Variants in PLEKHM3 observed in about 807,000 individuals in gnomAD.
PLEKHM3 encodes pleckstrin homology domain containing M3.
PLEKHM3 carries 45 observed loss-of-function variants against 81.8 expected under a neutral mutation model. The observed-to-expected ratio is 0.55, with a 90% confidence interval of 0.43 to 0.71. The LOEUF is 0.71. Ranked by LOEUF, PLEKHM3 falls within the 30% of genes least tolerant of loss-of-function variation. PLEKHM3 has a pLI of 0.00. For synonymous variants in PLEKHM3, 352 were observed against 356.4 expected, an observed-to-expected ratio of 0.99 and a Z score of 0.14; for missense variants, 788 against 924.3, an observed-to-expected ratio of 0.85 and a Z score of 1.91.
At chr2:207,930,369 T>G (rs1018699050) in intron 5 of PLEKHM3, among the ~76,000 whole-genome samples, 1 of 152,108 alleles carries the variant, frequency 6.6e-6, no homozygotes. Flanking sequence ...ATCGCTTGAG[T>G]CCAGGATTTT....
intron 1 of PLEKHM3, among the ~76,000 whole-genome samples, chr2:208,010,530 C>G (rs1009314406): frequency 2.0e-5 from 3 of 152,170 alleles, no homozygotes; most frequent in African/African-American, 7.2e-5. Flanking sequence ...CTTGAATTAG[C>G]TTTATCTTGG....
chr2:207,994,136 A>G (rs143361497), intron 2 of PLEKHM3, among the ~76,000 whole-genome samples: 3 of 152,354 alleles, frequency 2.0e-5, no homozygotes, highest in African/African-American at 7.2e-5. Context: ...TACATGGTCA[A>G]TCAGGAGTAG....
At chr2:207,924,864 G>A (rs1689334840) in intron 5 of PLEKHM3, among the ~76,000 whole-genome samples, 1 of 152,188 alleles carries the variant, frequency 6.6e-6, no homozygotes, top group Admixed American at 6.5e-5. Context: ...GCTGGAGGAT[G>A]TGGAGGCATT....
chr2:207,850,142 T>C (rs2092405044), intron 7 of PLEKHM3, among the ~76,000 whole-genome samples: 1 of 152,174 alleles, frequency 6.6e-6, no homozygotes, highest in South Asian at 2.1e-4. Flanking sequence ...CCAGAACTCA[T>C]CCATTCCTGT....
chr2:207,898,458 T>C (rs528565879), intron 6 of PLEKHM3, among the ~76,000 whole-genome samples: 3 of 152,202 alleles, frequency 2.0e-5, no homozygotes, highest in Admixed American at 2.0e-4. Flanking sequence ...TTCCCTCCTT[T>C]AAAACGTGAA....
intron 7 of PLEKHM3, among the ~76,000 whole-genome samples, chr2:207,829,928 C>A (rs2092275827): frequency 6.6e-6 from 1 of 152,106 alleles, no homozygotes; most frequent in Admixed American, 6.5e-5. Context: ...CCATTCAGGA[C>A]CCAGAGGGCT....
chr2:207,964,756 T>C (rs1215232918), intron 3 of PLEKHM3, among the ~76,000 whole-genome samples: 1 of 152,226 alleles, frequency 6.6e-6, no homozygotes, highest in Non-Finnish European at 1.5e-5. Context: ...TCACGCTCTT[T>C]GGGTTTTTAT....
chr2:207,946,058 G>A (rs1301496914), intron 4 of PLEKHM3, among the ~76,000 whole-genome samples: 1 of 152,168 alleles, frequency 6.6e-6, no homozygotes, highest in East Asian at 1.9e-4. Context: ...TTCCCATAGT[G>A]TTGTAATGTT....
intron 3 of PLEKHM3, among the ~76,000 whole-genome samples, chr2:207,974,403 G>A (rs1691232318): frequency 6.6e-6 from 1 of 152,212 alleles, no homozygotes; most frequent in South Asian, 2.1e-4. Flanking sequence ...TCCATCAGAA[G>A]GCACACTTCT....
chr2:207,907,416 C>T (rs533199916), intron 6 of PLEKHM3, among the ~76,000 whole-genome samples: 17 of 152,028 alleles, frequency 1.1e-4, no homozygotes, highest in African/African-American at 2.9e-4. Context: ...GCAGGAGAAT[C>T]GCTTGAACCC....
At chr2:207,886,099 A>G (rs1015216389) in intron 6 of PLEKHM3, among the ~76,000 whole-genome samples, 5 of 152,058 alleles carry the variant, frequency 3.3e-5, no homozygotes, top group African/African-American at 1.2e-4. Context: ...GCTACCATCT[A>G]TTTTCACCAA....
intron 6 of PLEKHM3, among the ~76,000 whole-genome samples, chr2:207,881,726 G>T (rs1364328225): frequency 6.6e-6 from 1 of 152,182 alleles, no homozygotes; most frequent in Non-Finnish European, 1.5e-5. Context: ...CAACCACTGG[G>T]TCTTCTTACT....
At chr2:207,987,675 C>T (rs1691773586) in intron 2 of PLEKHM3, among the ~76,000 whole-genome samples, 1 of 152,180 alleles carries the variant, frequency 6.6e-6, no homozygotes, top group African/African-American at 2.4e-5. Flanking sequence ...TCTTCCACAA[C>T]AGTAATATCC....
At position 207,822,722 on chromosome 2, in the gene PLEKHM3, A is replaced by G. The variant is rs962082718; in HGVS notation, c.*5597T>C. 3.9e-5 allele frequency: 6 copies of G among 152,372 alleles called. No homozygotes were observed. Among genetic ancestry groups the G allele is most frequent in the Non-Finnish European group, 7.3e-5 (5 of 68,128 alleles). The allele number at this position is 152,372 out of a possible 1,614,324, so 9.4% of individuals were successfully genotyped here. Reference sequence around the variant, plus strand: ...GAATGCACAGGCTCCAAGAGCATCTATATGAAGAGTAGCCAGCAGGGAAGA... The same window carrying G: ...GAATGCACAGGCTCCAAGAGCATCTGTATGAAGAGTAGCCAGCAGGGAAGA... On this transcript the variant is annotated 3_prime_UTR_variant, in exon 8 of 8. Transcript: ENST00000427836.
intron 7 of PLEKHM3, among the ~76,000 whole-genome samples, chr2:207,841,066 G>A (rs2092348425): frequency 6.6e-6 from 1 of 151,808 alleles, no homozygotes; most frequent in African/African-American, 2.4e-5. Context: ...TGATCCACCT[G>A]CTTTGGCTTC....
At chr2:207,841,899 A>G (rs1194675557) in intron 7 of PLEKHM3, among the ~76,000 whole-genome samples, 1 of 152,146 alleles carries the variant, frequency 6.6e-6, no homozygotes, top group African/African-American at 2.4e-5. Context: ...ATATAATTCT[A>G]TATTAAATAT....
intron 3 of PLEKHM3, among the ~76,000 whole-genome samples, chr2:207,960,675 A>G (rs1441952205): frequency 6.6e-6 from 1 of 152,230 alleles, no homozygotes; most frequent in African/African-American, 2.4e-5. Flanking sequence ...AAAGGCACTC[A>G]GATGCATGTT....
chr2:207,995,972 T>C (rs1187148198), intron 2 of PLEKHM3, among the ~76,000 whole-genome samples: 4 of 152,188 alleles, frequency 2.6e-5, no homozygotes, highest in South Asian at 4.1e-4. Context: ...TCTCAAATGA[T>C]TGCCAACTTC....
At chr2:207,840,950 G>A (rs1352349531) in intron 7 of PLEKHM3, among the ~76,000 whole-genome samples, 2 of 151,202 alleles carry the variant, frequency 1.3e-5, no homozygotes, top group Non-Finnish European at 2.9e-5. Flanking sequence ...ACACGTGTGT[G>A]CCACCATGCT....
Sources: gnomAD v4.1 joint callset for allele counts (sites outside exome capture counted in the v4.1 genomes callset) on GRCh38, gnomAD v4.1.1 for gene constraint, MANE v1.5 for transcripts, NCBI Gene and HGNC (gene_info 2026-07-23, HGNC 2026-07-21) for gene names.